The following VWF variants were observed in gnomAD, a reference collection of about 807,000 sequenced individuals.
The protein encoded by VWF is Factor VIII related antigen.
VWF carries 176 observed loss-of-function variants against 308.6 expected under a neutral mutation model. The observed-to-expected ratio is 0.57, with a 90% CI of 0.50 to 0.65. The LOEUF is 0.65. VWF is among the 30% of genes least tolerant of loss of function. VWF has a pLI of 0.00. For missense variants in VWF, 3,146 were observed against 3,648.2 expected, an observed-to-expected ratio of 0.86 and a Z score of 3.55; for synonymous variants, 1,385 against 1,443.4, an observed-to-expected ratio of 0.96 and a Z score of 0.92.
chr12:6,021,828 C>T, intron 27 of VWF, 72 bp downstream of exon 27: 3 of 1,604,208 alleles, frequency 1.9e-6, no homozygotes, highest in Non-Finnish European at 2.6e-6. Flanking sequence ...TTACCCAAAA[C>T]CTAGTCTCTA....
intron 6 of VWF, among the ~76,000 whole-genome samples, chr12:6,092,624 T>A (rs144868844): frequency 0.57 from 49,114 of 86,376 alleles, 10,907 homozygotes; most frequent in South Asian, 0.64. Context: ...TGAGAGTGTG[T>A]GTGTGTGTGT....
intron 8 of VWF, among the ~76,000 whole-genome samples, chr12:6,073,248 T>C (rs1409819872): frequency 2.0e-5 from 3 of 152,202 alleles, no homozygotes; most frequent in Admixed American, 6.5e-5. Context: ...AGAGCCCTTT[T>C]TCAGCTGAGC....
At chr12:6,108,165 C>G (rs1473762018) in intron 5 of VWF, among the ~76,000 whole-genome samples, 3 of 151,392 alleles carry the variant, frequency 2.0e-5, no homozygotes, top group Non-Finnish European at 4.4e-5. Flanking sequence ...GTGGTGACAC[C>G]TGGATGTAGT....
At chr12:5,964,425 A>G (rs1943374744) in intron 47 of VWF, among the ~76,000 whole-genome samples, 1 of 152,090 alleles carries the variant, frequency 6.6e-6, no homozygotes, top group Non-Finnish European at 1.5e-5. Context: ...AAAAACAGAA[A>G]GAACGTAATC....
chr12:6,033,236 G>A (rs71181446), intron 20 of VWF, among the ~76,000 whole-genome samples: 6,431 of 152,340 alleles, frequency 0.042, 197 homozygotes, highest in Non-Finnish European at 0.063. Context: ...TTCTGAAAGA[G>A]GGAGTTAGGT....
At chr12:5,956,037 G>A (rs1270685527) in intron 47 of VWF, among the ~76,000 whole-genome samples, 1 of 152,144 alleles carries the variant, frequency 6.6e-6, no homozygotes, top group African/African-American at 2.4e-5. Context: ...CAATGTTTCA[G>A]TCAACAACAG....
chr12:6,103,543 TATACACACACACACACACACAC>T (rs369744079), intron 5 of VWF, among the ~76,000 whole-genome samples: 2,621 of 82,782 alleles, frequency 0.032, 289 homozygotes, highest in African/African-American at 0.17. Context: ...CACATATATG[TATACACACACACACACACACAC>T]ACACACACAC....
rs1330818590 is a variant in VWF at position 6,031,590 on chromosome 12, G to T, written c.2686-12C>A. The T allele has an allele frequency of 6.2e-7, 1 of 1,613,960 alleles. No individual in the cohort carries two copies. Among genetic ancestry groups the T allele is most frequent in the Non-Finnish European group, 8.5e-7 (1 of 1,179,962 alleles). On this transcript the variant is annotated splice_polypyrimidine_tract_variant and intron_variant, in intron 20 of 51. Transcript: ENST00000261405. ...CTGCCGCAGTAATCCTGGGGAAAGA[G>T]GAGTGCCAGGAGAAGACCATTATCC...
At chr12:6,035,878 G>A (rs993207018) in intron 19 of VWF, among the ~76,000 whole-genome samples, 4 of 152,218 alleles carry the variant, frequency 2.6e-5, no homozygotes, top group African/African-American at 9.7e-5. Context: ...CCACATGGGT[G>A]GCTGAGAGGG....
intron 6 of VWF, among the ~76,000 whole-genome samples, chr12:6,092,616 A>AGTGAGAGAGAGAGAGAGAGAGAGT (rs796249343): frequency 1.0e-5 from 1 of 96,622 alleles, no homozygotes; most frequent in African/African-American, 5.4e-5. Flanking sequence ...TGAGTGAGTG[A>AGTGAGAGAGAGAGAGAGAGAGAGT]GAGTGTGTGT....
At chr12:5,983,377 T>C (rs1050591015) in intron 40 of VWF, 123 bp from the exon 41 acceptor site, 4 of 842,348 alleles carry the variant, frequency 4.7e-6, no homozygotes, top group South Asian at 1.5e-5. Flanking sequence ...GTGATGATGA[T>C]GGAGACAGAG....
rs1158262683 is a variant in VWF at position 5,996,076 on chromosome 12, C to T, written c.5989G>A (p.Ala1997Thr). 10 of 1,613,924 alleles carry T rather than the reference C, an allele frequency of 6.2e-6. No individual in the cohort carries two copies. Among genetic ancestry groups the T allele is most frequent in the Non-Finnish European group, 8.5e-6 (10 of 1,180,018 alleles). Residue 1997 changes from alanine (A) to threonine (T), a missense_variant, in exon 35 of 52, where the codon GCA (alanine) becomes ACA (threonine). By Grantham distance (58) the Ala-to-Thr change is moderately conservative. This residue lies in a region of VWF where 989 missense variants were observed against 1,117.4 expected (regional missense o/e 0.89). Coordinates refer to ENST00000261405, the MANE Select transcript of VWF (RefSeq NM_000552.5). The part of the protein sequence containing the change: ...ILHNGACSPG[A>T]RQGCMKSIEV... Reference sequence around the variant, plus strand: ...ATGGATTTCATGCAGCCCTGCCTTGCTCCAGGGCTGCAGGCACCATTATGG... The same window carrying T: ...ATGGATTTCATGCAGCCCTGCCTTGTTCCAGGGCTGCAGGCACCATTATGG...
At chr12:5,998,525 A>C (rs1345035404) in intron 34 of VWF, among the ~76,000 whole-genome samples, 1 of 122,212 alleles carries the variant, frequency 8.2e-6, no homozygotes, top group Non-Finnish European at 1.7e-5. Flanking sequence ...ATATATATAT[A>C]TATATATATG....
intron 15 of VWF, among the ~76,000 whole-genome samples, chr12:6,055,089 C>G (rs1472806925): frequency 6.6e-6 from 1 of 152,158 alleles, no homozygotes; most frequent in Non-Finnish European, 1.5e-5. Context: ...CCTCAGGAGT[C>G]AAGACATTCT....
chr12:6,024,830 C>A lies in VWF; in HGVS notation c.3222+750G>T, dbSNP rs1215425342. On this transcript the variant is annotated intron_variant, in intron 24 of 51. Transcript: ENST00000261405. This position sits in a 1 kb window ranked among gnomAD's most constrained non-coding sequence, Gnocchi z 4.0. Reference sequence around the variant, plus strand: ...CCTGAGTCAGGAGTTCAAGGCCAGCCTGACCAACATGGTGAAACCTTGACT... The same window carrying A: ...CCTGAGTCAGGAGTTCAAGGCCAGCATGACCAACATGGTGAAACCTTGACT... Among the ~76,000 whole-genome samples the A allele has an allele frequency of 6.6e-6, 1 of 152,190 alleles. No individual in the cohort carries two copies. The highest frequency in any genetic ancestry group is 1.5e-5 in the Non-Finnish European group (1 of 68,026).
At chr12:6,031,273 C>T (rs1944258311) in intron 21 of VWF, among the ~76,000 whole-genome samples, 171 bp downstream of exon 21, 1 of 152,154 alleles carries the variant, frequency 6.6e-6, no homozygotes, top group South Asian at 2.1e-4. Context: ...GCCACTTGTT[C>T]TTCTCATAAA....
At chr12:6,113,156 C>G (rs1448123005) in intron 3 of VWF, among the ~76,000 whole-genome samples, 2 of 152,168 alleles carry the variant, frequency 1.3e-5, no homozygotes, top group African/African-American at 4.8e-5. Context: ...CCTGTTTGAG[C>G]TGAGGTGTCT....
intron 6 of VWF, among the ~76,000 whole-genome samples, chr12:6,093,755 C>T (rs1275113905): frequency 6.6e-6 from 1 of 152,244 alleles, no homozygotes; most frequent in African/African-American, 2.4e-5. Context: ...CCACATAAAG[C>T]ATTCTTGCCC....
intron 5 of VWF, among the ~76,000 whole-genome samples, chr12:6,109,219 A>G (rs1295099043): frequency 6.6e-6 from 1 of 151,644 alleles, no homozygotes; most frequent in Non-Finnish European, 1.5e-5. Context: ...ATCTCTAAAT[A>G]CACACACACA....
Sources: allele counts gnomAD v4.1 joint callset (sites outside exome capture counted in the v4.1 genomes callset), GRCh38; gene constraint gnomAD v4.1.1; regional missense constraint gnomAD v4.1.1; non-coding constraint Gnocchi (gnomAD v3.1); transcripts MANE v1.5; gene names NCBI Gene and HGNC (gene_info 2026-07-23, HGNC 2026-07-21).